Variants in PRKCE observed in about 807,000 individuals in gnomAD.
PRKCE encodes protein kinase C epsilon, also known as protein kinase C epsilon type.
A neutral mutation model predicts 85.4 loss-of-function variants in PRKCE; 16 were observed. The ratio of observed to expected loss-of-function variants is 0.19; its 90% CI spans 0.13 to 0.28. The LOEUF is 0.28. Ranked by LOEUF, PRKCE falls within the 10% of genes least tolerant of loss-of-function variation. The pLI is 1.00. For missense variants in PRKCE, 573 were observed against 975.2 expected (o/e 0.59, Z 5.49); for synonymous variants, 388 against 371.5 (o/e 1.04, Z -0.51).
chr2:45,835,411 C>T (rs6738409), intron 1 of PRKCE, among the ~76,000 whole-genome samples: 79,476 of 151,978 alleles, frequency 0.52, 20,999 homozygotes, highest in Middle Eastern at 0.6. Flanking sequence ...GGACGTTCCC[C>T]TGTGTCTCCT....
At chr2:45,733,539 C>G (rs781284835) in intron 1 of PRKCE, among the ~76,000 whole-genome samples, 1 of 152,070 alleles carries the variant, frequency 6.6e-6, no homozygotes, top group Non-Finnish European at 1.5e-5. Context: ...ATTGGAATTC[C>G]CTGGGGAGGT....
At chr2:45,959,342 A>G (rs143290112) in intron 2 of PRKCE, among the ~76,000 whole-genome samples, 1 of 152,306 alleles carries the variant, frequency 6.6e-6, no homozygotes, top group African/African-American at 2.4e-5. Flanking sequence ...AGAACAAAAT[A>G]TATAATGTCA....
intron 2 of PRKCE, among the ~76,000 whole-genome samples, chr2:45,941,222 C>G (rs919226199): frequency 6.6e-6 from 1 of 152,156 alleles, no homozygotes; most frequent in Non-Finnish European, 1.5e-5. Flanking sequence ...GCCACTTGCT[C>G]ATGGATTTAA....
chr2:46,088,410 C>T (rs1250585256), intron 11 of PRKCE, among the ~76,000 whole-genome samples: 1 of 152,206 alleles, frequency 6.6e-6, no homozygotes, highest in African/African-American at 2.4e-5. Flanking sequence ...CCGTCCCTCA[C>T]ACTTTCCTTT....
chr2:45,994,521 C>T (rs1335370159), intron 6 of PRKCE, among the ~76,000 whole-genome samples: 2 of 152,140 alleles, frequency 1.3e-5, no homozygotes, highest in African/African-American at 2.4e-5. Context: ...CCAGAATGTC[C>T]TATAGTTGGA....
intron 1 of PRKCE, among the ~76,000 whole-genome samples, chr2:45,672,471 C>T (rs1319307802): frequency 6.6e-6 from 1 of 152,220 alleles, no homozygotes; most frequent in Non-Finnish European, 1.5e-5. Flanking sequence ...GCCAGCTGGA[C>T]AGCCAGGCAG....
intron 2 of PRKCE, among the ~76,000 whole-genome samples, chr2:45,923,116 G>C (rs760500113): frequency 6.6e-6 from 1 of 152,188 alleles, no homozygotes; most frequent in Non-Finnish European, 1.5e-5. Context: ...TTTCCTTGGC[G>C]TGACTGTGTA....
chr2:45,801,703 G>A (rs1687882537), intron 1 of PRKCE, among the ~76,000 whole-genome samples: 1 of 152,168 alleles, frequency 6.6e-6, no homozygotes, highest in African/African-American at 2.4e-5. Context: ...GAGCCAGGGT[G>A]GGAGACTGTG....
intron 2 of PRKCE, among the ~76,000 whole-genome samples, chr2:45,863,957 C>T (rs1049515017): frequency 6.6e-6 from 1 of 152,214 alleles, no homozygotes; most frequent in African/African-American, 2.4e-5. Context: ...GCAAGTCTGA[C>T]CCTGCCATTG....
intron 2 of PRKCE, among the ~76,000 whole-genome samples, chr2:45,866,278 TTTTA>T (rs1178210701): frequency 1.3e-5 from 2 of 152,150 alleles, no homozygotes; most frequent in East Asian, 1.9e-4. Context: ...GGGATTTTCT[TTTTA>T]TTTATTTAAT....
chr2:45,933,598 C>T (rs1699204769), intron 2 of PRKCE, among the ~76,000 whole-genome samples: 1 of 151,694 alleles, frequency 6.6e-6, no homozygotes, highest in African/African-American at 2.4e-5. Context: ...CTCAGCCTCC[C>T]GAGTAGCTGG....
At chr2:46,050,396 C>T (rs1208393669) in intron 10 of PRKCE, among the ~76,000 whole-genome samples, 17 of 152,212 alleles carry the variant, frequency 1.1e-4, no homozygotes, top group Non-Finnish European at 1.8e-4. Flanking sequence ...GTGTTCCGCT[C>T]GTTAAAAGGT....
At chr2:46,064,543 T>G (rs1415383489) in intron 10 of PRKCE, among the ~76,000 whole-genome samples, 2 of 152,198 alleles carry the variant, frequency 1.3e-5, no homozygotes, top group East Asian at 3.8e-4. Context: ...GGATTTAGAT[T>G]TTCATCAGCA....
chr2:46,061,978 T>G (rs981050255), intron 10 of PRKCE, among the ~76,000 whole-genome samples: 4 of 151,632 alleles, frequency 2.6e-5, no homozygotes, highest in African/African-American at 7.3e-5. Context: ...TCCTAGTGTG[T>G]CAGCCTCCCA....
At chr2:45,756,092 C>G (rs1005018643) in intron 1 of PRKCE, among the ~76,000 whole-genome samples, 1 of 152,204 alleles carries the variant, frequency 6.6e-6, no homozygotes, top group Admixed American at 6.5e-5. Flanking sequence ...TAGAGGCTGA[C>G]CGCAGGGAAG....
chr2:46,012,104 T>C (rs1170538981), intron 10 of PRKCE, among the ~76,000 whole-genome samples: 3 of 152,220 alleles, frequency 2.0e-5, no homozygotes, highest in African/African-American at 4.8e-5. Context: ...GACTCAGTGA[T>C]GGAGTTAACT....
At chr2:45,672,552 G>T (rs192525503) in intron 1 of PRKCE, among the ~76,000 whole-genome samples, 1 of 152,212 alleles carries the variant, frequency 6.6e-6, no homozygotes, top group African/African-American at 2.4e-5. Flanking sequence ...TTTAGTAAGG[G>T]AGTCTGATTT....
At chr2:45,770,199 C>T (rs115225385) in intron 1 of PRKCE, among the ~76,000 whole-genome samples, 1 of 152,164 alleles carries the variant, frequency 6.6e-6, no homozygotes, top group African/African-American at 2.4e-5. Flanking sequence ...TGTTCTGCTC[C>T]CCTCCTGTCC....
rs1242498665 is a variant in PRKCE, at chr2:45,917,035, T to C, written c.413-59394T>C. ...GAGTGAAAGAACAAACCTTCCACAG[T>C]GTGGAAGGGGACTCCAGCAGGTTAC... On this transcript the variant is annotated intron_variant, in intron 2 of 14. Transcript: ENST00000306156. 3.9e-5 allele frequency among the ~76,000 whole-genome samples: 6 copies of C among 152,018 alleles called. No individual in the cohort carries two copies. The East Asian group carries it at 1.2e-3, about 29-fold the overall frequency.
Sources: allele counts gnomAD v4.1 joint callset (sites outside exome capture counted in the v4.1 genomes callset), GRCh38; gene constraint gnomAD v4.1.1; transcripts MANE v1.5; gene names NCBI Gene and HGNC (gene_info 2026-07-23, HGNC 2026-07-21).